KLHL22: variants seen among roughly 807,000 people sequenced by gnomAD.
KLHL22 encodes kelch like family member 22.
KLHL22 carries 18 observed loss-of-function variants against 60.7 expected under a neutral mutation model. That is an observed-to-expected ratio of 0.30 (90% CI 0.20 to 0.44). The LOEUF (loss-of-function observed/expected upper bound fraction) is 0.44, where lower values mean the gene tolerates loss of function less well. Ranked by LOEUF, KLHL22 falls within the 20% of genes least tolerant of loss-of-function variation. The probability of loss-of-function intolerance (pLI) is 1.00; values close to 1 mark genes in which losing one functional copy is unlikely to be tolerated. For missense variants in KLHL22, 596 were observed against 852.3 expected (o/e 0.70, Z 3.74); for synonymous variants, 355 against 354.5 (o/e 1.00, Z -0.01).
In KLHL22 at chr22:20,461,534, C is replaced by A. The variant is rs1483668736; in HGVS notation, c.1112+3324G>T. On this transcript the variant is annotated intron_variant, in intron 4 of 6. Transcript: ENST00000328879. Reference sequence around the variant, plus strand: ...CGCCACTGCACTCCAGCCTGGGTGACAGAGAGACTCCAACTCAAAAAAAAA... The same window carrying A: ...CGCCACTGCACTCCAGCCTGGGTGAAAGAGAGACTCCAACTCAAAAAAAAA... Among the ~76,000 whole-genome samples, 6 of 97,910 alleles carry A rather than the reference C, an allele frequency of 6.1e-5. No individual in the cohort carries two copies. In the Admixed American group the frequency reaches 1.0e-3, roughly 17 times the overall value. The allele number at this position is 97,910 out of a possible 152,430, so 64.2% of individuals were successfully genotyped here.
At chr22:20,450,086 C>G in intron 5 of KLHL22, 1 of 752,690 alleles carries the variant, frequency 1.3e-6, no homozygotes, top group Middle Eastern at 2.9e-4. Context: ...TTGCAGAATC[C>G]AAGGACCTAT....
At chr22:20,453,159 C>G (rs772431312) in intron 5 of KLHL22, among the ~76,000 whole-genome samples, 1 of 152,028 alleles carries the variant, frequency 6.6e-6, no homozygotes, top group East Asian at 1.9e-4. Context: ...TTCCCTCTTT[C>G]CCTGAAGTGT....
At chr22:20,447,728 A>G (rs1277532509) in intron 5 of KLHL22, among the ~76,000 whole-genome samples, 1 of 152,020 alleles carries the variant, frequency 6.6e-6, no homozygotes, top group African/African-American at 2.4e-5. Flanking sequence ...TTTTTAATAG[A>G]GACAGGGTTT....
chr22:20,452,387 C>A (rs1249346726), intron 5 of KLHL22, among the ~76,000 whole-genome samples: 2 of 152,134 alleles, frequency 1.3e-5, no homozygotes, highest in Non-Finnish European at 2.9e-5. Flanking sequence ...AGATACTCAT[C>A]TGACACTTCT....
In KLHL22 at chr22:20,483,913, C is replaced by T. The variant is rs1376471844; in HGVS notation, c.227+5072G>A. ...CCTGCCAGATCCCCAGCCATCCCCG[C>T]GGCCAGGCCCCCAGACCCCATGCAG... On this transcript the variant is annotated intron_variant, in intron 2 of 6. Coordinates refer to ENST00000328879, the MANE Select transcript of KLHL22 (RefSeq NM_032775.4). The T allele has an allele frequency of 1.0e-5, 7 of 678,754 alleles. No individual in the cohort carries two copies. In the East Asian group the frequency reaches 1.1e-4, roughly 10 times the overall value. 42.0% of individuals were successfully genotyped at this position (678,754 alleles called of 1,614,324 possible).
chr22:20,441,885 G>T lies in KLHL22; in HGVS notation c.*188C>A. 2.1e-6 allele frequency: 1 copy of T among 483,038 alleles called. No individual in the cohort carries two copies. Among genetic ancestry groups the T allele is most frequent in the East Asian group, 3.4e-5 (1 of 29,470 alleles). 29.9% of individuals were successfully genotyped at this position (483,038 alleles called of 1,614,324 possible). On this transcript the variant is annotated 3_prime_UTR_variant, in exon 7 of 7. Transcript: ENST00000328879. ...TGACGTAATCCACAGCCTGGGATCT[G>T]CATGGCCCTGAGATGCCTGCGGCAG... is the stretch of plus-strand genomic sequence containing the variant.
intron 3 of KLHL22, among the ~76,000 whole-genome samples, chr22:20,469,042 C>A (rs748675905): frequency 1.3e-5 from 2 of 152,086 alleles, no homozygotes; most frequent in Admixed American, 6.6e-5. Flanking sequence ...CCAGGGCTGT[C>A]GGGAGCACTG....
chr22:20,451,044 G>C, intron 5 of KLHL22: 1 of 1,510,216 alleles, frequency 6.6e-7, no homozygotes, highest in East Asian at 2.3e-5. Flanking sequence ...CTCAGGAGTG[G>C]AGCTTTTTGC....
intron 2 of KLHL22, among the ~76,000 whole-genome samples, chr22:20,481,598 T>A (rs1045610233): frequency 9.9e-5 from 15 of 151,488 alleles, no homozygotes; most frequent in South Asian, 6.3e-4. Context: ...TAAAAAAAAA[T>A]TTTTTTTTCT....
intron 1 of KLHL22, among the ~76,000 whole-genome samples, chr22:20,490,009 C>G (rs1313817311): frequency 6.6e-6 from 1 of 152,196 alleles, no homozygotes; most frequent in Non-Finnish European, 1.5e-5. Flanking sequence ...AAAACCTAAT[C>G]AGTAAAATGA....
chr22:20,442,579 G>T, intron 6 of KLHL22, 141 bp from the exon 7 acceptor site: 1 of 1,055,312 alleles, frequency 9.5e-7, no homozygotes, highest in Non-Finnish European at 1.3e-6. Context: ...CACAGGGCCA[G>T]TGTTGAAACA....
At chr22:20,483,543 C>T (rs1187259095) in intron 2 of KLHL22, 1 of 724,962 alleles carries the variant, frequency 1.4e-6, no homozygotes, top group Non-Finnish European at 2.6e-6. Flanking sequence ...TGTCATCAAT[C>T]ACTTTGCGAA....
At position 20,465,466 on chromosome 22, in the gene KLHL22, A is replaced by G; in HGVS notation, c.504T>C (p.Thr168=). 1.2e-6 allele frequency: 2 copies of G among 1,613,574 alleles called. No homozygotes were observed. The highest frequency in any genetic ancestry group is 1.7e-6 in the Non-Finnish European group (2 of 1,179,452). The change falls in exon 4 of 7, where the codon ACT becomes ACC. Residue 168 remains threonine, a synonymous_variant. Coordinates refer to ENST00000328879, the MANE Select transcript of KLHL22 (RefSeq NM_032775.4). This position sits in a 1 kb window ranked among gnomAD's most constrained non-coding sequence, Gnocchi z 4.9. ...LAELFDLSRL[T]EQLDTYILKN... ...TGAGGATATAGGTGTCCAGTTGCTC[A>G]GTCAGGCGGCTCAAGTCAAACAGCT... is the stretch of plus-strand genomic sequence containing the variant.
At chr22:20,493,107 A>G in intron 1 of KLHL22, 1 of 468,642 alleles carries the variant, frequency 2.1e-6, no homozygotes, top group Non-Finnish European at 4.4e-6. Context: ...TGACCTCCAC[A>G]ACTACCCCAA....
At chr22:20,463,710 T>C (rs2053189053) in intron 4 of KLHL22, among the ~76,000 whole-genome samples, 1 of 152,272 alleles carries the variant, frequency 6.6e-6, no homozygotes, top group African/African-American at 2.4e-5. Flanking sequence ...TGAAGGTAGC[T>C]GTTTCCTTTT....
chr22:20,454,783 G>C (rs533756133), intron 5 of KLHL22, among the ~76,000 whole-genome samples: 16 of 152,080 alleles, frequency 1.1e-4, no homozygotes, highest in Non-Finnish European at 2.1e-4. Context: ...CCAATCCATG[G>C]ACTTGGTATG....
At chr22:20,493,308 G>T in intron 1 of KLHL22, 1 of 458,826 alleles carries the variant, frequency 2.2e-6, no homozygotes. Flanking sequence ...CTTAGCTAGG[G>T]GCTAAGGGGG....
rs1283851735 is a variant in KLHL22, at chr22:20,465,236, C to T, written c.734G>A (p.Arg245Gln). The T allele has an allele frequency of 3.7e-6, 6 of 1,613,794 alleles. No homozygotes were observed. The change falls in exon 4 of 7, where the codon CGG becomes CAG. Residue 245 changes from arginine (R) to glutamine (Q), a missense_variant. Transcript: ENST00000328879. This position sits in a 1 kb window ranked among gnomAD's most constrained non-coding sequence, Gnocchi z 4.9. The stretch of plus-strand genomic sequence containing the variant: ...GACCTCAGCTTCCATCAGCGGAAAC[C>T]GCACTGTCTCAAGGAGCTTTGGGGG... Reference protein sequence around the residue: ...HEPPKLLETVRFPLMEAEVLQ... With the variant: ...HEPPKLLETVQFPLMEAEVLQ...
intron 2 of KLHL22, chr22:20,488,382 GCTAT>G: frequency 1.3e-5 from 2 of 158,458 alleles, no homozygotes; most frequent in Middle Eastern, 6.8e-3. Flanking sequence ...GTATTGATCT[GCTAT>G]CTGTGTACAT....
Sources: allele counts gnomAD v4.1 joint callset (sites outside exome capture counted in the v4.1 genomes callset), GRCh38; gene constraint gnomAD v4.1.1; non-coding constraint Gnocchi (gnomAD v3.1); transcripts MANE v1.5; gene names NCBI Gene and HGNC (gene_info 2026-07-23, HGNC 2026-07-21).